The following SPEN variants were observed in gnomAD, a reference collection of about 807,000 sequenced individuals.
SPEN encodes the protein msx2-interacting protein.
Under a neutral mutation model 269.9 loss-of-function variants are expected in SPEN, and 18 were observed. The observed-to-expected ratio is 0.07, with a 90% CI of 0.05 to 0.10. The LOEUF (loss-of-function observed/expected upper bound fraction) is 0.10, where lower values mean the gene tolerates loss of function less well. SPEN is among the 10% of genes least tolerant of loss of function. The pLI, the probability that SPEN is intolerant of heterozygous loss-of-function variation, is 1.00. For synonymous variants in SPEN, 1,726 were observed against 1,765.7 expected, an observed-to-expected ratio of 0.98 and a Z score of 0.56; for missense variants, 3,822 against 4,631.2, an observed-to-expected ratio of 0.83 and a Z score of 5.07.
intron 3 of SPEN, among the ~76,000 whole-genome samples, chr1:15,887,606 T>G (rs2070749259): frequency 1.3e-5 from 2 of 151,796 alleles, no homozygotes; most frequent in Admixed American, 1.3e-4. Context: ...AAAAAAATTT[T>G]TAATGTTGCT....
intron 3 of SPEN, among the ~76,000 whole-genome samples, chr1:15,900,137 C>T (rs2070886381): frequency 6.6e-6 from 1 of 152,188 alleles, no homozygotes; most frequent in Non-Finnish European, 1.5e-5. Flanking sequence ...TGAGCCACCA[C>T]CACTGGCCTG....
chr1:15,890,557 GGTTTTT>G (rs2070778897), intron 3 of SPEN, among the ~76,000 whole-genome samples: 1 of 139,462 alleles, frequency 7.2e-6, no homozygotes, highest in Non-Finnish European at 1.5e-5. Context: ...TTTTGACTCA[GGTTTTT>G]TTTTTTTTTT....
At chr1:15,938,141 T>C in intron 13 of SPEN, 135 bp downstream of exon 13, 1 of 845,640 alleles carries the variant, frequency 1.2e-6, no homozygotes, top group East Asian at 2.7e-5. Context: ...ACAGTCTCTG[T>C]CGCCTGGGCT....
At chr1:15,868,444 T>C (rs530178804) in intron 1 of SPEN, among the ~76,000 whole-genome samples, 1 of 152,040 alleles carries the variant, frequency 6.6e-6, no homozygotes, top group Admixed American at 6.5e-5. Flanking sequence ...AAAACTTTTT[T>C]TTTTTTTTGA....
intron 3 of SPEN, among the ~76,000 whole-genome samples, chr1:15,892,717 G>A (rs1332664466): frequency 6.6e-6 from 1 of 152,138 alleles, no homozygotes; most frequent in Non-Finnish European, 1.5e-5. Flanking sequence ...TCCAGGCTTA[G>A]AAATATGTTA....
At position 15,917,084 on chromosome 1, in the gene SPEN, C is replaced by T. The variant is rs911341400; in HGVS notation, c.1395+805C>T. ...CAGAGGCTGCGGTGAGCCGAGATCA[C>T]GCCACTGTACTCCAGCGTGGGTGAC... On this transcript the variant is annotated intron_variant, in intron 6 of 14. Coordinates refer to ENST00000375759, the MANE Select transcript of SPEN (RefSeq NM_015001.3). Among the ~76,000 whole-genome samples the T allele has an allele frequency of 4.6e-5, 7 of 152,146 alleles. No individual in the cohort carries two copies. In the South Asian group the frequency reaches 8.3e-4, roughly 18 times the overall value.
rs571689072 is a variant in SPEN at position 15,866,642 on chromosome 1, C to T, written c.84-6174C>T. ...TGGTGGGATTACAGGCGTGAGCCAC[C>T]GCGCCCGGCTGGAATACATTAGTTA... On this transcript the variant is annotated intron_variant, in intron 1 of 14. Coordinates refer to ENST00000375759, the MANE Select transcript of SPEN (RefSeq NM_015001.3). 1.3e-4 allele frequency among the ~76,000 whole-genome samples: 20 copies of T among 152,232 alleles called. No individual in the cohort carries two copies. In the East Asian group the frequency reaches 3.1e-3, roughly 24 times the overall value.
intron 5 of SPEN, among the ~76,000 whole-genome samples, chr1:15,911,885 C>T (rs1199340105): frequency 4.6e-5 from 7 of 152,156 alleles, no homozygotes; most frequent in African/African-American, 7.2e-5. Flanking sequence ...CGTGTGAACC[C>T]GGGAGGTCAA....
chr1:15,922,368 C>G lies in SPEN; in HGVS notation c.1850+19C>G, dbSNP rs202014909. ...AAAGAAGGTATGTATTTTAAACTTA[C>G]CAGTGTAGCTTGAGTTTTAATAGTT... On this transcript the variant is annotated intron_variant, in intron 10 of 14. Coordinates refer to ENST00000375759, the MANE Select transcript of SPEN (RefSeq NM_015001.3). The G allele has an allele frequency of 4.6e-6, 7 of 1,534,162 alleles. No homozygotes were observed. Among genetic ancestry groups the G allele is most frequent in the Non-Finnish European group, 6.2e-6 (7 of 1,127,844 alleles).
In SPEN at chr1:15,847,935, C is replaced by A; in HGVS notation, c.-133C>A. 2.6e-6 allele frequency: 1 copy of A among 379,990 alleles called. No individual in the cohort carries two copies. 23.5% of individuals were successfully genotyped at this position (379,990 alleles called of 1,614,324 possible). A position where few individuals can be genotyped will look rare whatever the true frequency, so the allele number is the denominator to read the frequency against. On this transcript the variant is annotated 5_prime_UTR_variant, in exon 1 of 15. Transcript: ENST00000375759. ...TCTGCACGGGGGGGAGCCGGAGGAG[C>A]CGCCGCCGCTGCCGACGCCACCGCC...
Position 15,928,871 on chromosome 1 carries a change from C to T in SPEN, c.2631C>T (p.Cys877=), listed in dbSNP as rs762589812. ...IAKNRLELMP[C]VVLTRVKEKE... is the part of the protein sequence containing the mutation. ...AAAACCGCCTGGAACTCATGCCTTG[C>T]GTGGTTTTGACTCGAGTGAAAGAGA... Residue 877 remains cysteine (C), a synonymous_variant, in exon 11 of 15, where the codon TGC becomes TGT. Coordinates refer to ENST00000375759, the MANE Select transcript of SPEN (RefSeq NM_015001.3). The surrounding 1 kb of genome is among the most constrained non-coding windows in gnomAD (Gnocchi z 5.7). 18 of 1,614,106 alleles carry T rather than the reference C, an allele frequency of 1.1e-5. No homozygotes were observed. In the East Asian group the frequency reaches 1.3e-4, roughly 12 times the overall value.
At chr1:15,895,942 C>T (rs899617366) in intron 3 of SPEN, among the ~76,000 whole-genome samples, 6 of 151,954 alleles carry the variant, frequency 3.9e-5, no homozygotes, top group Non-Finnish European at 7.4e-5. Context: ...TCTCGGCCTC[C>T]CAAAGTGCTG....
intron 3 of SPEN, among the ~76,000 whole-genome samples, chr1:15,908,964 G>C (rs780009083): frequency 1.3e-5 from 2 of 151,878 alleles, no homozygotes; most frequent in Non-Finnish European, 2.9e-5. Context: ...TCCAAGATTT[G>C]AATCTAGACC....
intron 1 of SPEN, among the ~76,000 whole-genome samples, chr1:15,856,127 T>A (rs1178054072): frequency 6.6e-6 from 1 of 150,852 alleles, no homozygotes; most frequent in Non-Finnish European, 1.5e-5. Flanking sequence ...ATAGCTGGGA[T>A]TACAGGCACC....
At chr1:15,882,161 T>G (rs1295349577) in intron 3 of SPEN, among the ~76,000 whole-genome samples, 1 of 152,224 alleles carries the variant, frequency 6.6e-6, no homozygotes, top group African/African-American at 2.4e-5. Flanking sequence ...TGGGCCTTCA[T>G]GGCTCCATGT....
chr1:15,886,118 G>GT (rs1189642538), intron 3 of SPEN, among the ~76,000 whole-genome samples: 18 of 152,072 alleles, frequency 1.2e-4, no homozygotes, highest in Admixed American at 1.2e-3. Flanking sequence ...GTAAAGTTTT[G>GT]TTTTTTTGTT....
At position 15,908,212 on chromosome 1, in the gene SPEN, CATTT is replaced by C. The variant is rs1310720151; in HGVS notation, c.882-1096_882-1093del. ...TAACAGTAACTGAGCAGTGCTGCTT[CATTT>C]ATTTATTTATTTGTTTGTTTTGTTT... On this transcript the variant is annotated intron_variant, in intron 3 of 14. Transcript: ENST00000375759. Among the ~76,000 whole-genome samples the C allele has an allele frequency of 3.3e-5, 5 of 152,160 alleles. No homozygotes were observed. In the East Asian group the frequency reaches 5.8e-4, roughly 18 times the overall value.
chr1:15,873,214 A>G, intron 2 of SPEN, 78 bp downstream of exon 2: 1 of 1,476,428 alleles, frequency 6.8e-7, no homozygotes, highest in East Asian at 2.3e-5. Flanking sequence ...TAGGGGCCCC[A>G]GATGGATTTA....
chr1:15,898,557 T>TC (rs1029098950), intron 3 of SPEN, among the ~76,000 whole-genome samples: 5 of 138,240 alleles, frequency 3.6e-5, no homozygotes, highest in African/African-American at 1.2e-4. Flanking sequence ...TTTCTTTTTT[T>TC]CTTTTTTTTT....
Sources: allele counts gnomAD v4.1 joint callset (sites outside exome capture counted in the v4.1 genomes callset), GRCh38; gene constraint gnomAD v4.1.1; non-coding constraint Gnocchi (gnomAD v3.1); transcripts MANE v1.5; gene names NCBI Gene and HGNC (gene_info 2026-07-23, HGNC 2026-07-21).